The following BTD variants were observed in gnomAD, a reference collection of about 807,000 sequenced individuals.
The protein encoded by BTD is biotinidase.
In BTD, 13 loss-of-function variants were observed where a neutral mutation model predicts 17.7. The ratio of observed to expected loss-of-function variants is 0.74; its 90% CI spans 0.48 to 1.17. BTD has a LOEUF of 1.17. Among genes scored for constraint, BTD ranks in the 50% most tolerant of loss-of-function variants. The pLI is 0.00. For synonymous variants in BTD, 240 were observed against 245.2 expected, an observed-to-expected ratio of 0.98 and a Z score of 0.20; for missense variants, 674 against 650.4, an observed-to-expected ratio of 1.04 and a Z score of -0.39.
intron 3 of BTD, chr3:15,685,177 T>C (rs1211193998): frequency 1.3e-6 from 2 of 1,585,100 alleles, no homozygotes; most frequent in East Asian, 2.2e-5. Context: ...GTCATTCTTT[T>C]ATCTCTGTTC....
intron 2 of BTD, among the ~76,000 whole-genome samples, chr3:15,638,734 G>A (rs1017175579): frequency 6.6e-6 from 1 of 152,346 alleles, no homozygotes; most frequent in East Asian, 1.9e-4. Flanking sequence ...ATCATAGCAT[G>A]TACTTACACA....
At chr3:15,670,090 G>C (rs966411723) in intron 3 of BTD, 13 of 616,682 alleles carry the variant, frequency 2.1e-5, no homozygotes, top group Non-Finnish European at 3.3e-5. Context: ...GATTCTAGAA[G>C]TTCCTTTTGT....
chr3:15,709,701 C>G, intron 3 of BTD: 1 of 1,584,310 alleles, frequency 6.3e-7, no homozygotes, highest in Non-Finnish European at 8.6e-7. Flanking sequence ...AAAGTCTGCA[C>G]CAGTATTCAG....
At chr3:15,618,107 C>T (rs147826294) in intron 1 of BTD, among the ~76,000 whole-genome samples, 260 of 152,276 alleles carry the variant, frequency 1.7e-3, no homozygotes, top group African/African-American at 5.9e-3. Flanking sequence ...AGGCACACAC[C>T]GCCTTGCCCA....
intron 3 of BTD, chr3:15,668,118 T>C (rs1040484769): frequency 3.9e-5 from 6 of 152,210 alleles, no homozygotes; most frequent in African/African-American, 1.4e-4. Flanking sequence ...TTCTAACAGT[T>C]AGAGCTGCTC....
At chr3:15,663,892 C>T (rs2065950916) in intron 3 of BTD, among the ~76,000 whole-genome samples, 1 of 152,150 alleles carries the variant, frequency 6.6e-6, no homozygotes, top group Non-Finnish European at 1.5e-5. Context: ...TGAACACATA[C>T]ATGACTGATT....
chr3:15,712,301 C>G, exon 4 of BTD: 1 of 1,173,826 alleles, frequency 8.5e-7, no homozygotes, highest in African/African-American at 1.5e-5. Flanking sequence ...ACAAAGAGAC[C>G]ACTTAAGTGA....
At chr3:15,674,667 T>C (rs2066752763) in intron 3 of BTD, among the ~76,000 whole-genome samples, 2 of 152,002 alleles carry the variant, frequency 1.3e-5, no homozygotes, top group African/African-American at 2.4e-5. Context: ...AGGGAGTCAA[T>C]GTAGATAGAG....
intron 1 of BTD, among the ~76,000 whole-genome samples, chr3:15,603,514 G>A (rs187991670): frequency 1.0e-3 from 156 of 152,086 alleles, no homozygotes; most frequent in African/African-American, 2.5e-3. Flanking sequence ...AAAATTAGGC[G>A]GGCATGGTGG....
At chr3:15,693,690 T>C (rs1270700630) in intron 3 of BTD, among the ~76,000 whole-genome samples, 1 of 152,172 alleles carries the variant, frequency 6.6e-6, no homozygotes, top group African/African-American at 2.4e-5. Flanking sequence ...CCATGCTGGC[T>C]TTGCCTTTTC....
At chr3:15,636,447 G>A (rs1200075528) in intron 2 of BTD, among the ~76,000 whole-genome samples, 1 of 152,182 alleles carries the variant, frequency 6.6e-6, no homozygotes. Flanking sequence ...CCCCCCTGGG[G>A]GCAAAGAGGG....
chr3:15,697,133 G>A (rs1256288359), intron 3 of BTD, among the ~76,000 whole-genome samples: 4 of 152,128 alleles, frequency 2.6e-5, no homozygotes. Context: ...CAAAATAATA[G>A]CATTTGCAGC....
Position 15,649,223 on chromosome 3 carries a change from A to G in BTD, c.*3735A>G, listed in dbSNP as rs982452005. 3.3e-5 allele frequency among the ~76,000 whole-genome samples: 5 copies of G among 152,222 alleles called. No homozygotes were observed. The highest frequency in any genetic ancestry group is 1.9e-4 in the East Asian group (1 of 5,204). ...AGCTCCTCACCACTTGGGTCTTTCC[A>G]TAGGGATAGCTGAGTGTCCTCATGA... On this transcript the variant is annotated 3_prime_UTR_variant, in exon 4 of 4. Transcript: ENST00000643237.
chr3:15,678,327 T>C (rs2067171841), intron 3 of BTD: 2 of 1,608,222 alleles, frequency 1.2e-6, no homozygotes, highest in Non-Finnish European at 1.7e-6. Context: ...CTACATGGTC[T>C]GTGAAGGCGG....
intron 1 of BTD, chr3:15,602,154 C>G (rs1319841961): frequency 2.1e-6 from 3 of 1,410,718 alleles, no homozygotes; most frequent in East Asian, 5.1e-5. Context: ...ATTATTGTAG[C>G]GCACGTTACT....
intron 2 of BTD, among the ~76,000 whole-genome samples, chr3:15,640,314 C>G (rs1481709398): frequency 6.6e-6 from 1 of 151,784 alleles, no homozygotes; most frequent in African/African-American, 2.4e-5. Flanking sequence ...CTTCAAATTC[C>G]AATAATAGAG....
chr3:15,628,315 C>A (rs1166740251), intron 1 of BTD, among the ~76,000 whole-genome samples: 1 of 152,212 alleles, frequency 6.6e-6, no homozygotes, highest in Non-Finnish European at 1.5e-5. Flanking sequence ...ATGTTGTGTG[C>A]ACTATACAAT....
In BTD at chr3:15,635,913, C is replaced by T. The variant is rs1347318659; in HGVS notation, c.249+225C>T. Among the ~76,000 whole-genome samples, 9 of 152,132 alleles carry T rather than the reference C, an allele frequency of 5.9e-5. No homozygotes were observed. Among genetic ancestry groups the T allele is most frequent in the African/African-American group, 1.9e-4 (8 of 41,410 alleles). ...CTTGTTAGAAATACAAAATCTTGGG[C>T]GGCACCCCAGACCTACTGAATCAGA... On this transcript the variant is annotated intron_variant, in intron 2 of 3. Transcript: ENST00000643237. The surrounding 1 kb of genome is among the most constrained non-coding windows in gnomAD (Gnocchi z 4.1).
chr3:15,641,597 C>T (rs114962159), intron 2 of BTD, among the ~76,000 whole-genome samples: 12 of 152,328 alleles, frequency 7.9e-5, no homozygotes, highest in African/African-American at 1.4e-4. Flanking sequence ...TCTAGCTATT[C>T]GCTTGTCAAA....
Sources: allele counts gnomAD v4.1 joint callset (sites outside exome capture counted in the v4.1 genomes callset), GRCh38; gene constraint gnomAD v4.1.1; non-coding constraint Gnocchi (gnomAD v3.1); transcripts MANE v1.5; gene names NCBI Gene and HGNC (gene_info 2026-07-23, HGNC 2026-07-21).